CAGE1: variants seen among roughly 807,000 people sequenced by gnomAD.
CAGE1 encodes cancer antigen 1.
Under a neutral mutation model 94.9 loss-of-function variants are expected in CAGE1, and 66 were observed. The ratio of observed to expected loss-of-function variants is 0.70; its 90% CI spans 0.57 to 0.85. CAGE1 has a LOEUF of 0.85. CAGE1 is among the 40% of genes least tolerant of loss of function. The pLI, the probability that CAGE1 is intolerant of heterozygous loss-of-function variation, is 0.00. For synonymous variants in CAGE1, 319 were observed against 321.0 expected (o/e 0.99, Z 0.07); for missense variants, 865 against 950.4 (o/e 0.91, Z 1.18).
In CAGE1 at chr6:7,368,790, G is replaced by C; in HGVS notation, c.1902C>G (p.Ile634Met). 6.5e-7 allele frequency: 1 copy of C among 1,538,264 alleles called. No homozygotes were observed. Among genetic ancestry groups the C allele is most frequent in the South Asian group, 1.3e-5 (1 of 79,838 alleles). The change falls in exon 7 of 14, where the codon ATC (isoleucine) becomes ATG (methionine). Residue 634 changes from isoleucine (I) to methionine (M), a missense_variant. Physicochemically the swap from Ile to Met is conservative, Grantham distance 10. Transcript: ENST00000502583. The part of the protein sequence containing the change: ...MVGLLTCQDI[I>M]NSDAEHFKES... ...CTTTGAAATGTTCAGCATCAGAATT[G>C]ATGATGTCCTAAGGGTAAGAGTTTC...
At chr6:7,342,144 T>C (rs951887444) in intron 11 of CAGE1, 5 of 1,008,196 alleles carry the variant, frequency 5.0e-6, no homozygotes, top group Admixed American at 1.7e-5. Flanking sequence ...AATCACTCAG[T>C]TGGGGAACTG....
At chr6:7,385,936 T>C (rs1204369767) in intron 2 of CAGE1, 64 bp from the exon 3 acceptor site, 2 of 840,708 alleles carry the variant, frequency 2.4e-6, no homozygotes, top group Non-Finnish European at 3.7e-6. Flanking sequence ...TAAAGGTATT[T>C]GCACATTGTT....
chr6:7,356,869 T>A (rs2113412330), intron 9 of CAGE1, among the ~76,000 whole-genome samples: 1 of 152,332 alleles, frequency 6.6e-6, no homozygotes, highest in Non-Finnish European at 1.5e-5. Context: ...CGATCTCAGC[T>A]CACTGCAACC....
intron 12 of CAGE1, among the ~76,000 whole-genome samples, 163 bp from the exon 13 acceptor site, chr6:7,330,051 C>CT (rs1465190288): frequency 1.3e-5 from 2 of 152,214 alleles, no homozygotes; most frequent in Non-Finnish European, 1.5e-5. Context: ...TAAGATCAAG[C>CT]TTTTTGGTAT....
intron 3 of CAGE1, among the ~76,000 whole-genome samples, chr6:7,384,714 G>C (rs1181339370): frequency 1.3e-5 from 2 of 151,086 alleles, no homozygotes; most frequent in East Asian, 3.9e-4. Flanking sequence ...TCAACACACA[G>C]CTCTCTTTTT....
Position 7,329,864 on chromosome 6 carries a change from C to T in CAGE1, c.2463G>A (p.Pro821=), listed in dbSNP as rs375433366. 372 of 1,458,120 alleles carry T rather than the reference C, an allele frequency of 2.6e-4. 2 individuals are homozygous for T. The highest frequency in any genetic ancestry group is 2.3e-3 in the East Asian group (102 of 43,472). 90.3% of individuals were successfully genotyped at this position (1,458,120 alleles called of 1,614,324 possible). ...KPRSKSLENH[P]KSMTMMPALF... ...GGTGACCTACCATGGTCATGGACTT[C>T]GGATGATTTTCTAAGCTTTTTGATC... Residue 821 remains proline, a synonymous_variant, in exon 13 of 14, where the codon CCG becomes CCA. Transcript: ENST00000502583.
intron 11 of CAGE1, among the ~76,000 whole-genome samples, chr6:7,336,092 C>T (rs1758944182): frequency 6.6e-6 from 1 of 152,170 alleles, no homozygotes; most frequent in Non-Finnish European, 1.5e-5. Flanking sequence ...GAGAAGTTGT[C>T]AAACCCAGGA....
At chr6:7,328,443 C>G (rs117627510) in intron 13 of CAGE1, among the ~76,000 whole-genome samples, 2 of 152,260 alleles carry the variant, frequency 1.3e-5, no homozygotes, top group South Asian at 2.1e-4. Context: ...AGAGCTTGAG[C>G]TGACAGGCGT....
chr6:7,326,916 A>G lies in CAGE1; in HGVS notation c.2479-17T>C, dbSNP rs1489988010. 6.3e-7 allele frequency: 1 copy of G among 1,577,070 alleles called. No individual in the cohort carries two copies. Among genetic ancestry groups the G allele is most frequent in the Non-Finnish European group, 8.7e-7 (1 of 1,147,312 alleles). The stretch of plus-strand genomic sequence containing the variant: ...AGCTGGCATCTAAAAATGAAAGGAA[A>G]AATGTTTCGTAAGTTTTGGGGAAAG... On this transcript the variant is annotated splice_polypyrimidine_tract_variant and intron_variant, in intron 13 of 13. Transcript: ENST00000502583.
chr6:7,347,501 G>GGC (rs1759593532), intron 11 of CAGE1: 1 of 123,610 alleles, frequency 8.1e-6, no homozygotes, highest in Admixed American at 7.9e-5. Context: ...CCAAAGCGAG[G>GGC]GTGGGGGGGG....
At chr6:7,329,600 G>A (rs1298861115) in intron 13 of CAGE1, among the ~76,000 whole-genome samples, 4 of 152,188 alleles carry the variant, frequency 2.6e-5, no homozygotes, top group Non-Finnish European at 5.9e-5. Context: ...GGTCATATGA[G>A]AAACGACAGG....
chr6:7,383,085 GT>G (rs36073747), intron 3 of CAGE1, among the ~76,000 whole-genome samples: 55,498 of 151,920 alleles, frequency 0.37, 10,313 homozygotes, highest in East Asian at 0.43. Flanking sequence ...TCTTGCGATA[GT>G]TGAGTTCTCA....
Position 7,374,108 on chromosome 6 carries a change from T to A in CAGE1, c.711A>T (p.Ile237=), listed in dbSNP as rs1315063891. The A allele has an allele frequency of 2.5e-6, 4 of 1,612,696 alleles. No homozygotes were observed. The Admixed American group carries it at 5.0e-5, about 20-fold the overall frequency. Residue 237 remains isoleucine (I), a synonymous_variant, in exon 5 of 14, where the codon ATA becomes ATT. Coordinates refer to ENST00000502583, the MANE Select transcript of CAGE1 (RefSeq NM_001170692.2). The part of the protein sequence containing the change: ...LCKTAVPSKE[I]QNYGEIPEMS... ...TCTCAGGAATCTCCCCATAATTCTG[T>A]ATTTCTTTTGAAGGAACTGCAGTCT...
At chr6:7,352,315 A>AG (rs59759122) in intron 11 of CAGE1, among the ~76,000 whole-genome samples, 1 of 111,506 alleles carries the variant, frequency 9.0e-6, no homozygotes, top group African/African-American at 5.1e-5. Context: ...ACAAAAAAAA[A>AG]CAAAAAAAAA....
intron 11 of CAGE1, chr6:7,347,329 G>A (rs955064733): frequency 1.1e-4 from 16 of 152,286 alleles, no homozygotes; most frequent in African/African-American, 3.6e-4. Flanking sequence ...AACCCCAACT[G>A]AAGAAAATGA....
At chr6:7,383,115 A>G (rs1469682211) in intron 3 of CAGE1, among the ~76,000 whole-genome samples, 2 of 152,110 alleles carry the variant, frequency 1.3e-5, no homozygotes, top group African/African-American at 4.8e-5. Context: ...GATGGTTTCA[A>G]AGTGTTTGGC....
chr6:7,344,248 C>T (rs911141436), intron 11 of CAGE1, among the ~76,000 whole-genome samples: 1 of 152,184 alleles, frequency 6.6e-6, no homozygotes, highest in South Asian at 2.1e-4. Flanking sequence ...CGGGGCTGGG[C>T]GTGGCGCTTG....
rs1226895931 is a variant in CAGE1, at chr6:7,389,700, A to G, written c.-522T>C. 6.1e-6 allele frequency: 3 copies of G among 492,762 alleles called. No individual in the cohort carries two copies. The highest frequency in any genetic ancestry group is 5.8e-5 in the African/African-American group (3 of 51,954). 30.5% of individuals were successfully genotyped at this position (492,762 alleles called of 1,614,324 possible). Reference sequence around the variant, plus strand: ...ACTCAACACGCCTTCCTGAGAGCACAGAACATCCACAGCCCTATACAGCGC... The same window carrying G: ...ACTCAACACGCCTTCCTGAGAGCACGGAACATCCACAGCCCTATACAGCGC... On this transcript the variant is annotated 5_prime_UTR_variant, in exon 1 of 14. Coordinates refer to ENST00000502583, the MANE Select transcript of CAGE1 (RefSeq NM_001170692.2).
intron 9 of CAGE1, among the ~76,000 whole-genome samples, chr6:7,360,363 G>A (rs1015024889): frequency 1.3e-5 from 2 of 152,162 alleles, no homozygotes; most frequent in African/African-American, 2.4e-5. Flanking sequence ...AGGTGGCCTG[G>A]CCATAAGGTG....
Sources: gnomAD v4.1 joint callset for allele counts (sites outside exome capture counted in the v4.1 genomes callset) on GRCh38, gnomAD v4.1.1 for gene constraint, MANE v1.5 for transcripts, NCBI Gene and HGNC (gene_info 2026-07-23, HGNC 2026-07-21) for gene names.